The following SNX29 variants were observed in gnomAD, a reference collection of about 807,000 sequenced individuals.
SNX29 encodes the protein sorting nexin 29.
Under a neutral mutation model 102.1 loss-of-function variants are expected in SNX29, and 78 were observed. The ratio of observed to expected loss-of-function variants is 0.76; its 90% CI spans 0.64 to 0.92. The LOEUF (loss-of-function observed/expected upper bound fraction) is 0.92, where lower values mean the gene tolerates loss of function less well. SNX29 is among the 40% of genes least tolerant of loss of function. The pLI is 0.00. For missense variants in SNX29, 1,280 were observed against 1,061.7 expected, an observed-to-expected ratio of 1.21 and a Z score of -2.86; for synonymous variants, 580 against 414.5, an observed-to-expected ratio of 1.40 and a Z score of -4.85.
intron 13 of SNX29, among the ~76,000 whole-genome samples, chr16:12,151,589 G>A (rs2055304788): frequency 6.6e-6 from 1 of 152,198 alleles, no homozygotes; most frequent in African/African-American, 2.4e-5. Flanking sequence ...GTACCCCACA[G>A]ATCTTCAGAT....
intron 14 of SNX29, among the ~76,000 whole-genome samples, chr16:12,259,330 G>T (rs9921728): frequency 2.0e-5 from 3 of 151,970 alleles, no homozygotes; most frequent in Admixed American, 6.6e-5. Flanking sequence ...GTTCTACCCC[G>T]TCTTTGAGAG....
chr16:12,295,587 C>T (rs1327147786), intron 15 of SNX29, among the ~76,000 whole-genome samples: 1 of 152,184 alleles, frequency 6.6e-6, no homozygotes, highest in Non-Finnish European at 1.5e-5. Context: ...TGGAGTGACT[C>T]ACAGGTTCCA....
At chr16:12,300,803 C>G (rs1325663948) in intron 15 of SNX29, among the ~76,000 whole-genome samples, 1 of 152,168 alleles carries the variant, frequency 6.6e-6, no homozygotes, top group African/African-American at 2.4e-5. Context: ...GGAGGCTGTT[C>G]CGCATGTTGC....
intron 13 of SNX29, among the ~76,000 whole-genome samples, chr16:12,183,148 C>A (rs1024458316): frequency 6.6e-6 from 1 of 151,958 alleles, no homozygotes; most frequent in East Asian, 1.9e-4. Context: ...CACGGGCGTG[C>A]GCCACCACAC....
At chr16:12,054,610 C>T (rs2050443772) in intron 8 of SNX29, among the ~76,000 whole-genome samples, 1 of 152,232 alleles carries the variant, frequency 6.6e-6, no homozygotes, top group African/African-American at 2.4e-5. Context: ...TATCTGCTCT[C>T]CTGGTTCTCA....
intron 20 of SNX29, among the ~76,000 whole-genome samples, chr16:12,533,027 C>T (rs534558011): frequency 1.1e-4 from 17 of 152,250 alleles, no homozygotes; most frequent in African/African-American, 4.1e-4. Flanking sequence ...GTGCCACCAA[C>T]AAGTCATCAA....
At chr16:12,510,528 C>T (rs1300752490) in intron 19 of SNX29, among the ~76,000 whole-genome samples, 2 of 152,072 alleles carry the variant, frequency 1.3e-5, no homozygotes, top group Admixed American at 1.3e-4. Flanking sequence ...CAAAAATTAG[C>T]TGGGCGTTAT....
chr16:12,547,165 T>C (rs958997754), intron 20 of SNX29, among the ~76,000 whole-genome samples: 2 of 152,190 alleles, frequency 1.3e-5, no homozygotes, highest in Admixed American at 1.3e-4. Flanking sequence ...GGGGATGTGC[T>C]GTTTATGGTC....
intron 13 of SNX29, among the ~76,000 whole-genome samples, chr16:12,194,097 TC>T (rs2076711979): frequency 6.6e-6 from 1 of 152,230 alleles, no homozygotes; most frequent in Non-Finnish European, 1.5e-5. Context: ...ACATCTTAAT[TC>T]TTTTGAGTCT....
intron 18 of SNX29, among the ~76,000 whole-genome samples, chr16:12,416,089 A>G (rs1291297059): frequency 6.6e-6 from 1 of 152,108 alleles, no homozygotes; most frequent in Non-Finnish European, 1.5e-5. Flanking sequence ...GAAAAAGACA[A>G]CTACAGCCCC....
intron 20 of SNX29, among the ~76,000 whole-genome samples, chr16:12,538,535 A>C (rs1433534171): frequency 6.6e-6 from 1 of 152,102 alleles, no homozygotes; most frequent in Non-Finnish European, 1.5e-5. Context: ...CTTATGCGTG[A>C]GGTGATGGGC....
intron 2 of SNX29, among the ~76,000 whole-genome samples, chr16:12,001,660 T>C (rs2056292812): frequency 6.6e-6 from 1 of 152,098 alleles, no homozygotes; most frequent in Admixed American, 6.6e-5. Flanking sequence ...GTAGTAGTTT[T>C]GATAATAAGT....
intron 14 of SNX29, among the ~76,000 whole-genome samples, chr16:12,257,302 G>C (rs1032712241): frequency 3.6e-4 from 55 of 152,252 alleles, no homozygotes; most frequent in African/African-American, 1.2e-3. Context: ...CCTCTCTTCT[G>C]CTTTCGACTG....
intron 20 of SNX29, among the ~76,000 whole-genome samples, chr16:12,560,460 C>G (rs1019562414): frequency 6.6e-6 from 1 of 152,168 alleles, no homozygotes; most frequent in Non-Finnish European, 1.5e-5. Flanking sequence ...CTTTTGGGTT[C>G]TTGCCTGGGA....
chr16:12,553,705 A>C (rs777599173), intron 20 of SNX29, among the ~76,000 whole-genome samples: 1 of 150,134 alleles, frequency 6.7e-6, no homozygotes, highest in Non-Finnish European at 1.5e-5. Context: ...ATTCTGCCTC[A>C]GCCTACCACG....
At chr16:12,386,330 A>C (rs776215945) in intron 16 of SNX29, among the ~76,000 whole-genome samples, 1 of 152,194 alleles carries the variant, frequency 6.6e-6, no homozygotes, top group Non-Finnish European at 1.5e-5. Context: ...ACTTTATGCA[A>C]ATTATCTCAT....
At chr16:12,157,920 G>GA (rs1384518787) in intron 13 of SNX29, among the ~76,000 whole-genome samples, 1 of 152,198 alleles carries the variant, frequency 6.6e-6, no homozygotes, top group East Asian at 1.9e-4. Flanking sequence ...CCACCTCTGT[G>GA]AAGGCGCCGT....
chr16:12,131,268 T>A (rs1159990538), intron 13 of SNX29, among the ~76,000 whole-genome samples: 2 of 152,270 alleles, frequency 1.3e-5, no homozygotes, highest in Non-Finnish European at 2.9e-5. Context: ...CCTCCTTTTA[T>A]TTAAAAGCCA....
chr16:12,182,168 T>G (rs1379846708), intron 13 of SNX29, among the ~76,000 whole-genome samples: 1 of 150,116 alleles, frequency 6.7e-6, no homozygotes, highest in African/African-American at 2.4e-5. Flanking sequence ...ATAACAGGCA[T>G]GAGCCACTGT....
Sources: gnomAD v4.1 joint callset for allele counts (sites outside exome capture counted in the v4.1 genomes callset) on GRCh38, gnomAD v4.1.1 for gene constraint, MANE v1.5 for transcripts, NCBI Gene and HGNC (gene_info 2026-07-23, HGNC 2026-07-21) for gene names.